LRFN5: variants seen among roughly 807,000 people sequenced by gnomAD.
LRFN5 encodes leucine rich repeat and fibronectin type III domain containing 5, also known as leucine-rich repeat and fibronectin type-III domain-containing protein 5.
LRFN5 carries 24 observed loss-of-function variants against 45.6 expected under a neutral mutation model. That is an observed-to-expected ratio of 0.53 (90% CI 0.38 to 0.74). LRFN5 has a LOEUF of 0.74. Ranked by LOEUF, LRFN5 falls within the 30% of genes least tolerant of loss-of-function variation. LRFN5 has a pLI of 0.00. For missense variants in LRFN5, 776 were observed against 861.5 expected, an observed-to-expected ratio of 0.90 and a Z score of 1.24; for synonymous variants, 340 against 313.8, an observed-to-expected ratio of 1.08 and a Z score of -0.88.
intron 2 of LRFN5, among the ~76,000 whole-genome samples, chr14:41,823,143 AT>A (rs755221266): frequency 3.3e-4 from 50 of 152,100 alleles, no homozygotes; most frequent in Admixed American, 5.2e-4. Flanking sequence ...CAAGGTTAAT[AT>A]TTATATGTGA....
At chr14:41,878,155 A>C (rs141593438) in intron 2 of LRFN5, among the ~76,000 whole-genome samples, 2 of 152,286 alleles carry the variant, frequency 1.3e-5, no homozygotes, top group African/African-American at 4.8e-5. Context: ...AAACTATTAA[A>C]GGCATTTCAG....
At chr14:41,616,545 T>C (rs1887930556) in intron 1 of LRFN5, among the ~76,000 whole-genome samples, 1 of 152,160 alleles carries the variant, frequency 6.6e-6, no homozygotes, top group Non-Finnish European at 1.5e-5. Context: ...TTAATAAAAT[T>C]GATGATTAAG....
In LRFN5 at chr14:41,886,816, C is replaced by G; in HGVS notation, c.191C>G (p.Thr64Arg). ...VELRLADNFVTNIKRKDFANM... is the reference protein window; with the variant it reads ...VELRLADNFVRNIKRKDFANM... ...CTGCGGTTGGCAGACAATTTTGTTACAAATATTAAAAGGAAAGATTTTGCC... is the reference window on the plus strand; with the variant it reads ...CTGCGGTTGGCAGACAATTTTGTTAGAAATATTAAAAGGAAAGATTTTGCC... Residue 64 changes from threonine (T) to arginine (R), a missense_variant, in exon 3 of 6, where the codon ACA becomes AGA. Coordinates refer to ENST00000298119, the MANE Select transcript of LRFN5 (RefSeq NM_152447.5). 6.2e-7 allele frequency: 1 copy of G among 1,613,932 alleles called. No homozygotes were observed. The highest frequency in any genetic ancestry group is 8.5e-7 in the Non-Finnish European group (1 of 1,179,942).
At chr14:41,781,562 AAGAAAGAAAG>A (rs1281327501) in intron 2 of LRFN5, among the ~76,000 whole-genome samples, 4 of 17,260 alleles carry the variant, frequency 2.3e-4, no homozygotes, top group Admixed American at 1.7e-3. Flanking sequence ...AAGAAAGAGA[AAGAAAGAAAG>A]AAAGAAAGAA....
chr14:41,693,444 A>C (rs944322127), intron 1 of LRFN5, among the ~76,000 whole-genome samples: 1 of 152,048 alleles, frequency 6.6e-6, no homozygotes, highest in Admixed American at 6.6e-5. Flanking sequence ...TCCAAAATAC[A>C]TGTTATGTTT....
At chr14:41,789,941 G>A (rs995399267) in intron 2 of LRFN5, among the ~76,000 whole-genome samples, 1 of 151,856 alleles carries the variant, frequency 6.6e-6, no homozygotes, top group Admixed American at 6.6e-5. Flanking sequence ...TACTTTCAAG[G>A]TTATGCTGCC....
chr14:41,807,180 A>G (rs1042258217), intron 2 of LRFN5, among the ~76,000 whole-genome samples: 2 of 152,212 alleles, frequency 1.3e-5, no homozygotes, highest in African/African-American at 4.8e-5. Context: ...TTTTAGGTAT[A>G]ATCCAGAAGT....
chr14:41,739,583 T>C (rs1448210950), intron 1 of LRFN5, among the ~76,000 whole-genome samples: 1 of 151,792 alleles, frequency 6.6e-6, no homozygotes, highest in East Asian at 1.9e-4. Context: ...TAGAGGGAAT[T>C]TTATAACAAT....
chr14:41,626,468 G>T (rs1317059033), intron 1 of LRFN5, among the ~76,000 whole-genome samples: 1 of 152,014 alleles, frequency 6.6e-6, no homozygotes, highest in Non-Finnish European at 1.5e-5. Flanking sequence ...TTTTTTGGGA[G>T]TTTTTCTATG....
chr14:41,878,423 T>C (rs916720671), intron 2 of LRFN5, among the ~76,000 whole-genome samples: 1 of 152,134 alleles, frequency 6.6e-6, no homozygotes, highest in African/African-American at 2.4e-5. Context: ...TCTCAGTTGG[T>C]TGTAAAAATC....
chr14:41,625,690 A>C (rs1888306405), intron 1 of LRFN5, among the ~76,000 whole-genome samples: 2 of 152,152 alleles, frequency 1.3e-5, no homozygotes, highest in Non-Finnish European at 2.9e-5. Flanking sequence ...TCATTTCTAA[A>C]ATAGTCATAT....
intron 2 of LRFN5, among the ~76,000 whole-genome samples, chr14:41,817,024 C>G (rs1290185537): frequency 1.5e-4 from 21 of 135,964 alleles, no homozygotes; most frequent in Non-Finnish European, 3.0e-4. Flanking sequence ...TTTGAGATAG[C>G]CTCAAGCTCA....
At chr14:41,781,552 A>AAAG (rs1886486355) in intron 2 of LRFN5, among the ~76,000 whole-genome samples, 1 of 111,556 alleles carries the variant, frequency 9.0e-6, no homozygotes, top group African/African-American at 3.5e-5. Context: ...GGAAGGAGAA[A>AAAG]AGAAAGAGAA....
intron 1 of LRFN5, among the ~76,000 whole-genome samples, chr14:41,761,439 A>T (rs1308615626): frequency 1.3e-5 from 2 of 152,214 alleles, no homozygotes; most frequent in Non-Finnish European, 2.9e-5. Context: ...TTTAATTGAA[A>T]AAAGATCATT....
chr14:41,607,294 C>G lies in LRFN5; in HGVS notation c.-1465C>G, dbSNP rs1401961934. 1.5e-5 allele frequency among the ~76,000 whole-genome samples: 2 copies of G among 132,330 alleles called. No individual in the cohort carries two copies. Among genetic ancestry groups the G allele is most frequent in the Non-Finnish European group, 3.4e-5 (2 of 58,328 alleles). 86.8% of individuals were successfully genotyped at this position (132,330 alleles called of 152,430 possible). On this transcript the variant is annotated 5_prime_UTR_variant, in exon 1 of 6. Transcript: ENST00000298119. ...CCCATATAATCCATTTTGCACGGTCCGTTATATCAGAAAAAAAAAGCGCAA... is the reference window on the plus strand; with the variant it reads ...CCCATATAATCCATTTTGCACGGTCGGTTATATCAGAAAAAAAAAGCGCAA...
intron 4 of LRFN5, among the ~76,000 whole-genome samples, chr14:41,896,242 T>C (rs1890935343): frequency 6.6e-6 from 1 of 152,204 alleles, no homozygotes; most frequent in Non-Finnish European, 1.5e-5. Flanking sequence ...AATTAGACAT[T>C]TCTTAAGAAG....
intron 2 of LRFN5, among the ~76,000 whole-genome samples, chr14:41,845,568 T>A (rs1273574321): frequency 1.3e-5 from 2 of 152,158 alleles, no homozygotes; most frequent in African/African-American, 4.8e-5. Context: ...CCTTGGAAAC[T>A]GCAAGGTATT....
chr14:41,674,360 G>A (rs1465283114), intron 1 of LRFN5, among the ~76,000 whole-genome samples: 2 of 142,456 alleles, frequency 1.4e-5, no homozygotes, highest in East Asian at 2.2e-4. Context: ...CAGATGGGGC[G>A]GCTGGCCGGG....
At chr14:41,759,440 T>C (rs1017421909) in intron 1 of LRFN5, among the ~76,000 whole-genome samples, 1 of 132,058 alleles carries the variant, frequency 7.6e-6, no homozygotes, top group Non-Finnish European at 1.7e-5. Flanking sequence ...AAGTATATTC[T>C]CTCTCTCTAC....
Sources: gnomAD v4.1 joint callset for allele counts (sites outside exome capture counted in the v4.1 genomes callset) on GRCh38, gnomAD v4.1.1 for gene constraint, MANE v1.5 for transcripts, NCBI Gene and HGNC (gene_info 2026-07-23, HGNC 2026-07-21) for gene names.